WNK3: variants seen among roughly 807,000 people sequenced by gnomAD.
The protein encoded by WNK3 is serine/threonine-protein kinase WNK3.
A neutral mutation model predicts 116.7 loss-of-function variants in WNK3; 18 were observed. The observed-to-expected ratio is 0.15, with a 90% CI of 0.11 to 0.23. The LOEUF (loss-of-function observed/expected upper bound fraction) is 0.23, where lower values mean the gene tolerates loss of function less well. Ranked by LOEUF, WNK3 falls within the 10% of genes least tolerant of loss-of-function variation. The probability of loss-of-function intolerance (pLI) is 1.00; values close to 1 mark genes in which losing one functional copy is unlikely to be tolerated. For synonymous variants in WNK3, 404 were observed against 469.4 expected (o/e 0.86, Z 1.80); for missense variants, 993 against 1,323.8 (o/e 0.75, Z 3.88).
intron 1 of WNK3, among the ~76,000 whole-genome samples, chrX:54,354,591 C>G (rs2069567047): frequency 9.0e-6 from 1 of 111,057 alleles, no homozygotes; most frequent in African/African-American, 3.3e-5. Context: ...GGCTTAATAG[C>G]TGGGTGATGG....
Position 54,275,413 on chromosome X carries a change from A to G in WNK3, c.2038-16075T>C, listed in dbSNP as rs868954070. ...GTCGGTATCTGTAGGGTATAAGTTCATATGTGTGTGTGTGTGTGTGTGTGT... is the reference window on the plus strand; with the variant it reads ...GTCGGTATCTGTAGGGTATAAGTTCGTATGTGTGTGTGTGTGTGTGTGTGT... On this transcript the variant is annotated intron_variant, in intron 10 of 23. Transcript: ENST00000354646. 5.6e-3 allele frequency among the ~76,000 whole-genome samples: 327 copies of G among 58,354 alleles called. 4 individuals carry two copies. The highest frequency in any genetic ancestry group is 0.019 in the African/African-American group (305 of 16,206). 50.7% of individuals were successfully genotyped at this position (58,354 alleles called of 115,157 possible).
At chrX:54,325,113 T>C (rs1164488988) in intron 2 of WNK3, among the ~76,000 whole-genome samples, 6 of 111,859 alleles carry the variant, frequency 5.4e-5, no homozygotes, top group African/African-American at 1.9e-4. Flanking sequence ...GAAAGTATAT[T>C]AGAATGCTCA....
At chrX:54,220,135 A>G (rs2087010580) in intron 22 of WNK3, among the ~76,000 whole-genome samples, 1 of 112,314 alleles carries the variant, frequency 8.9e-6, no homozygotes, top group African/African-American at 3.2e-5. Context: ...AAAAGATTTG[A>G]AAAATGGAAG....
chrX:54,199,077 T>A (rs1557141057), intron 23 of WNK3, among the ~76,000 whole-genome samples: 1 of 111,366 alleles, frequency 9.0e-6, no homozygotes, highest in African/African-American at 3.3e-5. Context: ...ACCTGATTTT[T>A]AAAAAAAGAC....
At position 54,218,570 on chromosome X, in the gene WNK3, TAA is replaced by T. The variant is rs782541452; in HGVS notation, c.4870+10142_4870+10143del. Among the ~76,000 whole-genome samples the T allele has an allele frequency of 1.7e-3, 133 of 77,875 alleles. 2 individuals carry two copies. The highest frequency in any genetic ancestry group is 5.9e-3 in the African/African-American group (127 of 21,425). 67.6% of individuals were successfully genotyped at this position (77,875 alleles called of 115,157 possible). On this transcript the variant is annotated intron_variant, in intron 22 of 23. Coordinates refer to ENST00000354646, the Ensembl canonical transcript of WNK3. ...TTGAAGAACAGAAAGAAAAAAGAAT[TAA>T]AAAAAAAAAAAAAAGAAAAGAAAAG...
chrX:54,267,002 C>T (rs1041437791), intron 10 of WNK3, among the ~76,000 whole-genome samples: 3 of 110,919 alleles, frequency 2.7e-5, no homozygotes, highest in Admixed American at 9.7e-5. Context: ...GTTTGGCTTT[C>T]TGTTCCCGTG....
rs782673259 is a variant in WNK3, at chrX:54,338,070, CA to C, written c.-119-4279del. ...ACAGAGACCTTGTCTCAAAACAAAA[CA>C]AAAAAAACTTTGCCTTCAGGTCCAT... is the stretch of plus-strand genomic sequence containing the variant. On this transcript the variant is annotated intron_variant, in intron 1 of 23. Transcript: ENST00000354646. Among the ~76,000 whole-genome samples, 48 of 110,216 alleles carry C rather than the reference CA, an allele frequency of 4.4e-4. No homozygotes were observed. The East Asian group carries it at 0.012, about 27-fold the overall frequency.
chrX:54,333,645 C>T (rs782507903), exon 2 of WNK3: 3 of 1,196,745 alleles, frequency 2.5e-6, no homozygotes, highest in Admixed American at 2.2e-5. Flanking sequence ...ATCTTCTGTG[C>T]TGGCTGGATC....
chrX:54,291,109 C>T (rs782174412), intron 10 of WNK3, among the ~76,000 whole-genome samples: 2 of 110,754 alleles, frequency 1.8e-5, no homozygotes, highest in Admixed American at 9.7e-5. Flanking sequence ...GTCAGGAGAT[C>T]GAGACCATCC....
chrX:54,300,171 A>T (rs982655646), intron 6 of WNK3, among the ~76,000 whole-genome samples: 1 of 109,174 alleles, frequency 9.2e-6, no homozygotes, highest in Non-Finnish European at 1.9e-5. Flanking sequence ...GTTTGTTTTT[A>T]AGACAGGGTC....
At chrX:54,252,669 CAA>C (rs56273481) in intron 13 of WNK3, among the ~76,000 whole-genome samples, 1,960 of 50,895 alleles carry the variant, frequency 0.039, 58 homozygotes, top group African/African-American at 0.11. Context: ...GACTCTGTCT[CAA>C]AAAAAAAAAA....
intron 5 of WNK3, 24 bp downstream of exon 5, chrX:54,307,898 T>A (rs782736876): frequency 8.8e-7 from 1 of 1,135,497 alleles, no homozygotes; most frequent in Non-Finnish European, 1.2e-6. Context: ...ACTGATAAAG[T>A]AAAAAGAAAA....
intron 1 of WNK3, among the ~76,000 whole-genome samples, chrX:54,338,420 TAA>T (rs578200691): frequency 3.1e-5 from 3 of 97,642 alleles, no homozygotes; most frequent in Admixed American, 1.1e-4. Flanking sequence ...AGAACCTGTT[TAA>T]AAAAAAAAAA....
chrX:54,283,376 A>G (rs1185699271), intron 10 of WNK3, among the ~76,000 whole-genome samples: 1 of 112,477 alleles, frequency 8.9e-6, no homozygotes, highest in African/African-American at 3.2e-5. Flanking sequence ...AACGACCTAT[A>G]TGCATATAGA....
At chrX:54,202,231 A>C (rs372736062) in intron 22 of WNK3, 38 bp from the exon 23 acceptor site, 7 of 1,123,932 alleles carry the variant, frequency 6.2e-6, no homozygotes, top group Non-Finnish European at 7.2e-6. Context: ...GAAACCATGA[A>C]AAAGAATTAA....
chrX:54,297,111 A>G lies in WNK3; in HGVS notation c.1398+1064T>C, dbSNP rs1357602504. ...TAGGGAAACTGAAGCTGGAATTGCT[A>G]TAACTGAGAAAGTCTCTTCAGCTTA... is the stretch of plus-strand genomic sequence containing the variant. On this transcript the variant is annotated intron_variant, in intron 7 of 23. Transcript: ENST00000354646. Among the ~76,000 whole-genome samples the G allele has an allele frequency of 2.7e-5, 3 of 111,427 alleles. No individual in the cohort carries two copies. In the Admixed American group the frequency reaches 2.9e-4, roughly 11 times the overall value.
intron 1 of WNK3, among the ~76,000 whole-genome samples, chrX:54,352,351 A>G (rs2069527755): frequency 2.7e-5 from 3 of 111,832 alleles, no homozygotes; most frequent in Non-Finnish European, 5.6e-5. Flanking sequence ...TGCAACTGCT[A>G]TGGAAAACGG....
intron 10 of WNK3, among the ~76,000 whole-genome samples, chrX:54,286,870 GC>G (rs1163300149): frequency 9.6e-6 from 1 of 104,427 alleles, no homozygotes; most frequent in Non-Finnish European, 1.9e-5. Context: ...CCGAGATGGC[GC>G]CACTGCACTC....
chrX:54,250,489 A>C (rs1477853313), intron 15 of WNK3, among the ~76,000 whole-genome samples: 1 of 112,192 alleles, frequency 8.9e-6, no homozygotes, highest in Non-Finnish European at 1.9e-5. Flanking sequence ...CATGTATTAA[A>C]ATTTACAGAA....
Sources: allele counts gnomAD v4.1 joint callset (sites outside exome capture counted in the v4.1 genomes callset), GRCh38; gene constraint gnomAD v4.1.1; transcripts MANE v1.5; gene names NCBI Gene and HGNC (gene_info 2026-07-23, HGNC 2026-07-21).